SLC35D2: variants seen among roughly 807,000 people sequenced by gnomAD.
The protein encoded by SLC35D2 is nucleotide sugar transporter SLC35D2.
Under a neutral mutation model 41.8 loss-of-function variants are expected in SLC35D2, and 43 were observed. The observed-to-expected ratio is 1.03, with a 90% CI of 0.81 to 1.33. The LOEUF is 1.33. Among genes scored for constraint, SLC35D2 ranks in the 40% most tolerant of loss-of-function variants. SLC35D2 has a pLI of 0.00. For missense variants in SLC35D2, 380 were observed against 408.4 expected (o/e 0.93, Z 0.60); for synonymous variants, 150 against 163.9 (o/e 0.92, Z 0.65).
At chr9:96,349,687 G>A (rs1829730565) in intron 6 of SLC35D2, among the ~76,000 whole-genome samples, 1 of 152,210 alleles carries the variant, frequency 6.6e-6, no homozygotes, top group East Asian at 1.9e-4. Flanking sequence ...CACCACACCT[G>A]GCTAATTTTT....
intron 8 of SLC35D2, among the ~76,000 whole-genome samples, chr9:96,339,390 T>C (rs1829207815): frequency 6.6e-6 from 1 of 152,252 alleles, no homozygotes; most frequent in Admixed American, 6.5e-5. Context: ...ATTACTGGCG[T>C]GAGCCATCGT....
intron 7 of SLC35D2, among the ~76,000 whole-genome samples, chr9:96,344,341 TAATATAAACAAAACTCTTTA>T (rs1191512300): frequency 6.6e-6 from 1 of 151,718 alleles, no homozygotes; most frequent in East Asian, 1.9e-4. Flanking sequence ...TTAAAAATGT[TAATATAAACAAAACTCTTTA>T]AAAACATCTG....
intron 7 of SLC35D2, 55 bp downstream of exon 7, chr9:96,345,244 T>C: frequency 2.3e-6 from 2 of 869,166 alleles, no homozygotes; most frequent in Non-Finnish European, 3.7e-6. Context: ...TCATTTTTCA[T>C]ATAATTCTAG....
chr9:96,318,819 AT>A (rs1389007929), downstream of SLC35D2, among the ~76,000 whole-genome samples: 3 of 152,160 alleles, frequency 2.0e-5, no homozygotes, highest in Non-Finnish European at 4.4e-5. Context: ...AAAATAAATT[AT>A]TTTTTAAAAC....
intron 8 of SLC35D2, among the ~76,000 whole-genome samples, chr9:96,338,090 A>G (rs551447387): frequency 1.3e-5 from 2 of 151,626 alleles, no homozygotes; most frequent in South Asian, 4.2e-4. Flanking sequence ...AATAAGGAGT[A>G]TTTTATTCAT....
At chr9:96,339,330 C>T (rs991110422) in intron 8 of SLC35D2, among the ~76,000 whole-genome samples, 18 of 152,214 alleles carry the variant, frequency 1.2e-4, no homozygotes, top group African/African-American at 3.9e-4. Flanking sequence ...AAGATGGTCT[C>T]GATCTCTTGA....
chr9:96,347,379 GT>G (rs1829628797), intron 6 of SLC35D2, among the ~76,000 whole-genome samples: 1 of 152,148 alleles, frequency 6.6e-6, no homozygotes, highest in South Asian at 2.1e-4. Context: ...CTTACCCACT[GT>G]TTGTTTAGGC....
chr9:96,381,071 T>C (rs1587733321), intron 1 of SLC35D2, among the ~76,000 whole-genome samples: 1 of 152,248 alleles, frequency 6.6e-6, no homozygotes, highest in Non-Finnish European at 1.5e-5. Flanking sequence ...CCCCTCTCCC[T>C]GATGCCAGTA....
In SLC35D2 at chr9:96,383,622, C is replaced by T. The variant is rs1340975437; in HGVS notation, c.13G>A (p.Gly5Ser). Residue 5 changes from glycine to serine, a missense_variant, in exon 1 of 12, where the codon GGC becomes AGC. By Grantham distance (56) the Gly-to-Ser change is moderately conservative (BLOSUM62 0). Coordinates refer to ENST00000253270, the MANE Select transcript of SLC35D2 (RefSeq NM_007001.3). ...CCAGCGCCCTCGGCCTCGGCCTGGC[C>T]GCCGGCCGTCATCTCCTGCGGCCCC... MTAG[G>S]QAEAEGAGGE... 5 of 1,162,358 alleles carry T rather than the reference C, an allele frequency of 4.3e-6. No homozygotes were observed. Among genetic ancestry groups the T allele is most frequent in the Middle Eastern group, 3.5e-4 (1 of 2,834 alleles). The allele number at this position is 1,162,358 out of a possible 1,614,324, so 72.0% of individuals were successfully genotyped here. A position where few individuals can be genotyped will look rare whatever the true frequency, so the allele number is the denominator to read the frequency against.
At position 96,321,200 on chromosome 9, in the gene SLC35D2, G is replaced by T. The variant is rs535241297; in HGVS notation, c.*42C>A. On this transcript the variant is annotated 3_prime_UTR_variant, in exon 12 of 12. Coordinates refer to ENST00000253270, the MANE Select transcript of SLC35D2 (RefSeq NM_007001.3). ...CATTCCTACTGGGAATGCCCCCCCA[G>T]CCCGCAGTCACAAGTCAGTCTCCAA... 2.1e-6 allele frequency: 3 copies of T among 1,454,976 alleles called. No homozygotes were observed. The highest frequency in any genetic ancestry group is 1.9e-6 in the Non-Finnish European group (2 of 1,038,622). The allele number at this position is 1,454,976 out of a possible 1,614,324, so 90.1% of individuals were successfully genotyped here.
At chr9:96,328,246 T>C (rs1828640685) in intron 9 of SLC35D2, among the ~76,000 whole-genome samples, 1 of 83,014 alleles carries the variant, frequency 1.2e-5, no homozygotes, top group Non-Finnish European at 2.2e-5. Context: ...TTTACCATTC[T>C]ATATTTTTTA....
intron 1 of SLC35D2, among the ~76,000 whole-genome samples, chr9:96,378,714 G>A (rs1014528725): frequency 6.6e-6 from 1 of 151,694 alleles, no homozygotes; most frequent in Non-Finnish European, 1.5e-5. Flanking sequence ...AGATCAACCT[G>A]GGCAATAGAG....
At chr9:96,368,414 T>A in intron 1 of SLC35D2, 109 bp from the exon 2 acceptor site, 1 of 867,490 alleles carries the variant, frequency 1.2e-6, no homozygotes, top group African/African-American at 1.7e-5. Context: ...TGAAAATTTA[T>A]CAAATTGTTC....
At chr9:96,323,495 C>G (rs926246800) in intron 10 of SLC35D2, among the ~76,000 whole-genome samples, 1 of 152,172 alleles carries the variant, frequency 6.6e-6, no homozygotes, top group African/African-American at 2.4e-5. Context: ...GATACCTGGA[C>G]TGATTTTATT....
At chr9:96,368,707 ATATATATAT>A (rs1339138496) in intron 1 of SLC35D2, among the ~76,000 whole-genome samples, 2 of 148,812 alleles carry the variant, frequency 1.3e-5, no homozygotes, top group African/African-American at 2.5e-5. Flanking sequence ...TGTGTATATT[ATATATATAT>A]TATATATATT....
downstream of SLC35D2, among the ~76,000 whole-genome samples, chr9:96,316,812 C>G (rs1828063642): frequency 1.4e-5 from 2 of 138,376 alleles, no homozygotes; most frequent in Non-Finnish European, 3.1e-5. Flanking sequence ...TGAAAAAGCT[C>G]CAATGCTTGA....
At chr9:96,338,241 A>T (rs1363058378) in intron 8 of SLC35D2, among the ~76,000 whole-genome samples, 1 of 152,176 alleles carries the variant, frequency 6.6e-6, no homozygotes, top group Non-Finnish European at 1.5e-5. Flanking sequence ...TTAGAAACTC[A>T]ATGTATTTAA....
intron 1 of SLC35D2, among the ~76,000 whole-genome samples, chr9:96,378,756 A>C (rs113775627): frequency 6.7e-6 from 1 of 149,324 alleles, no homozygotes; most frequent in Admixed American, 6.7e-5. Flanking sequence ...ATTAAAAATT[A>C]AAAAAAAAAA....
chr9:96,348,091 C>T lies in SLC35D2; in HGVS notation c.489-2690G>A, dbSNP rs79194415. On this transcript the variant is annotated intron_variant, in intron 6 of 11. Transcript: ENST00000253270. ...TACTTTCTTAATAAACTTGCTTTCACGCTGCACTGCAGACTCGCCCTGAAT... is the reference window on the plus strand; with the variant it reads ...TACTTTCTTAATAAACTTGCTTTCATGCTGCACTGCAGACTCGCCCTGAAT... 3.4e-4 allele frequency among the ~76,000 whole-genome samples: 52 copies of T among 152,308 alleles called. No homozygotes were observed. The East Asian group carries it at 9.2e-3, about 27-fold the overall frequency.
Sources: gnomAD v4.1 joint callset for allele counts (sites outside exome capture counted in the v4.1 genomes callset) on GRCh38, gnomAD v4.1.1 for gene constraint, MANE v1.5 for transcripts, NCBI Gene and HGNC (gene_info 2026-07-23, HGNC 2026-07-21) for gene names.